TFEC: variants seen among roughly 807,000 people sequenced by gnomAD.
TFEC encodes the protein transcription factor EC.
In TFEC, 31 loss-of-function variants were observed where a neutral mutation model predicts 41.6. That is an observed-to-expected ratio of 0.74 (90% CI 0.56 to 1.01). The LOEUF is 1.01. TFEC is among the 50% of genes least tolerant of loss of function. The pLI is 0.00. For missense variants in TFEC, 402 were observed against 404.1 expected (o/e 0.99, Z 0.04); for synonymous variants, 143 against 140.6 (o/e 1.02, Z -0.12).
intron 1 of TFEC, among the ~76,000 whole-genome samples, chr7:116,027,589 C>A (rs531567253): frequency 7.0e-4 from 107 of 151,920 alleles, no homozygotes; most frequent in Non-Finnish European, 8.7e-4. Flanking sequence ...AGAGTGAGAC[C>A]CTGTCTCAAA....
At chr7:116,118,095 G>T (rs903223361) in intron 1 of TFEC, among the ~76,000 whole-genome samples, 1 of 151,652 alleles carries the variant, frequency 6.6e-6, no homozygotes, top group African/African-American at 2.4e-5. Flanking sequence ...TTTTCTCTTA[G>T]AGTTGACCTT....
At chr7:115,974,966 A>G (rs1793316330) in intron 2 of TFEC, among the ~76,000 whole-genome samples, 1 of 152,040 alleles carries the variant, frequency 6.6e-6, no homozygotes, top group African/African-American at 2.4e-5. Context: ...ACTTATAATC[A>G]CTCAATGAAA....
At chr7:116,032,276 G>T (rs1795802995), upstream of TFEC, among the ~76,000 whole-genome samples, 1 of 151,892 alleles carries the variant, frequency 6.6e-6, no homozygotes, top group African/African-American at 2.4e-5. Context: ...ATAAAGTGTG[G>T]CAATTCCTCT....
upstream of TFEC, among the ~76,000 whole-genome samples, chr7:116,035,562 T>C (rs1212426601): frequency 6.6e-6 from 1 of 152,012 alleles, no homozygotes; most frequent in Non-Finnish European, 1.5e-5. Flanking sequence ...CCAAGAAGAA[T>C]AAATGAAAAA....
At chr7:116,017,089 T>A (rs532631737) in intron 1 of TFEC, among the ~76,000 whole-genome samples, 2 of 152,308 alleles carry the variant, frequency 1.3e-5, no homozygotes, top group Admixed American at 1.3e-4. Flanking sequence ...ATACTGTGAA[T>A]CCTTCATTAC....
At chr7:115,948,029 C>T (rs989139983) in intron 6 of TFEC, among the ~76,000 whole-genome samples, 3 of 152,018 alleles carry the variant, frequency 2.0e-5, no homozygotes, top group African/African-American at 4.8e-5. Flanking sequence ...ACCACTGATC[C>T]CACAGAAATA....
intron 3 of TFEC, among the ~76,000 whole-genome samples, chr7:116,099,385 T>G (rs1482246299): frequency 6.6e-6 from 1 of 152,164 alleles, no homozygotes; most frequent in Non-Finnish European, 1.5e-5. Context: ...TTTTTACAGT[T>G]AGGGTACCCA....
At chr7:115,951,701 T>G (rs943761146) in intron 5 of TFEC, among the ~76,000 whole-genome samples, 1 of 152,072 alleles carries the variant, frequency 6.6e-6, no homozygotes, top group East Asian at 1.9e-4. Context: ...AGTTTCATGG[T>G]GATGCTGATA....
intron 1 of TFEC, among the ~76,000 whole-genome samples, chr7:116,027,076 G>T (rs1261305098): frequency 6.6e-6 from 1 of 151,708 alleles, no homozygotes; most frequent in Non-Finnish European, 1.5e-5. Flanking sequence ...ATCCATTTGA[G>T]TCTACACAGG....
intron 1 of TFEC, among the ~76,000 whole-genome samples, chr7:116,020,495 T>G (rs2130852299): frequency 6.6e-6 from 1 of 152,324 alleles, no homozygotes; most frequent in South Asian, 2.1e-4. Context: ...ATAGCATTCT[T>G]TAAACTGTGG....
intron 3 of TFEC, among the ~76,000 whole-genome samples, chr7:115,966,032 C>T (rs1376890831): frequency 1.3e-5 from 2 of 151,632 alleles, no homozygotes; most frequent in African/African-American, 4.8e-5. Flanking sequence ...CAATTAACTA[C>T]CACTACCCCT....
At chr7:116,074,814 A>G (rs1298056029) in intron 3 of TFEC, among the ~76,000 whole-genome samples, 1 of 152,218 alleles carries the variant, frequency 6.6e-6, no homozygotes, top group Non-Finnish European at 1.5e-5. Context: ...AAAAACTTCT[A>G]CACATATATT....
chr7:115,970,253 A>G (rs1261356588), intron 3 of TFEC, among the ~76,000 whole-genome samples: 1 of 151,972 alleles, frequency 6.6e-6, no homozygotes, highest in East Asian at 1.9e-4. Context: ...GAAGTGGTGA[A>G]CCATGTTAAA....
At chr7:115,973,820 C>A (rs1793244872) in intron 3 of TFEC, among the ~76,000 whole-genome samples, 1 of 151,928 alleles carries the variant, frequency 6.6e-6, no homozygotes, top group African/African-American at 2.4e-5. Flanking sequence ...GTAAAATAGT[C>A]AAAATTTAGT....
chr7:116,060,646 TG>T (rs1796532584), intron 3 of TFEC, among the ~76,000 whole-genome samples: 1 of 152,004 alleles, frequency 6.6e-6, no homozygotes, highest in Non-Finnish European at 1.5e-5. Context: ...CACTTACAAG[TG>T]GGAGCTAAAT....
intron 2 of TFEC, among the ~76,000 whole-genome samples, chr7:115,981,718 C>T (rs374155839): frequency 6.6e-6 from 1 of 152,178 alleles, no homozygotes; most frequent in Non-Finnish European, 1.5e-5. Context: ...ATAACAGGCG[C>T]TAAGCCCAGA....
intron 3 of TFEC, among the ~76,000 whole-genome samples, chr7:116,057,057 A>G (rs1796448546): frequency 6.6e-6 from 1 of 152,054 alleles, no homozygotes; most frequent in Non-Finnish European, 1.5e-5. Flanking sequence ...CAGATTCACT[A>G]CTGCAGAAAA....
At chr7:115,958,986 G>T (rs1280526978) in intron 3 of TFEC, among the ~76,000 whole-genome samples, 1 of 151,708 alleles carries the variant, frequency 6.6e-6, no homozygotes, top group Non-Finnish European at 1.5e-5. Flanking sequence ...CTGTGAAAAA[G>T]TTTACAAAGA....
intron 1 of TFEC, among the ~76,000 whole-genome samples, chr7:116,130,902 G>A: frequency 6.6e-6 from 1 of 152,288 alleles, no homozygotes; most frequent in Admixed American, 6.5e-5. Context: ...ATGAGCCACT[G>A]CACTCAGCTT....
Sources: allele counts gnomAD v4.1 joint callset (sites outside exome capture counted in the v4.1 genomes callset), GRCh38; gene constraint gnomAD v4.1.1; transcripts MANE v1.5; gene names NCBI Gene and HGNC (gene_info 2026-07-23, HGNC 2026-07-21).